The following SLC23A2 variants were observed in gnomAD, a reference collection of about 807,000 sequenced individuals.
SLC23A2 encodes the protein solute carrier family 23 member 2.
Under a neutral mutation model 73.3 loss-of-function variants are expected in SLC23A2, and 36 were observed. The observed-to-expected ratio is 0.49, with a 90% CI of 0.38 to 0.65. The LOEUF is 0.65. Ranked by LOEUF, SLC23A2 falls within the 30% of genes least tolerant of loss-of-function variation. The pLI is 0.00. For missense variants in SLC23A2, 507 were observed against 841.6 expected, an observed-to-expected ratio of 0.60 and a Z score of 4.92; for synonymous variants, 343 against 327.3, an observed-to-expected ratio of 1.05 and a Z score of -0.52.
chr20:4,984,351 G>A (rs1282051321), intron 1 of SLC23A2, among the ~76,000 whole-genome samples: 1 of 151,970 alleles, frequency 6.6e-6, no homozygotes, highest in Non-Finnish European at 1.5e-5. Context: ...TCAGGAGATC[G>A]AGACCATCCT....
chr20:4,992,455 A>G (rs2087940824), intron 1 of SLC23A2, among the ~76,000 whole-genome samples: 1 of 151,818 alleles, frequency 6.6e-6, no homozygotes, highest in African/African-American at 2.4e-5. Flanking sequence ...GTGAATACCT[A>G]TAAAATTTAG....
At chr20:4,950,894 T>C (rs562400022) in intron 2 of SLC23A2, among the ~76,000 whole-genome samples, 29 of 152,308 alleles carry the variant, frequency 1.9e-4, no homozygotes, top group African/African-American at 7.0e-4. Context: ...ACAGAAACTT[T>C]GAGGAGCTCA....
chr20:4,919,964 A>G (rs980090490), intron 3 of SLC23A2, among the ~76,000 whole-genome samples: 5 of 152,334 alleles, frequency 3.3e-5, no homozygotes, highest in Admixed American at 1.3e-4. Flanking sequence ...GATATACATT[A>G]AAACTATGAT....
chr20:4,870,370 A>G (rs1031628454), intron 11 of SLC23A2, among the ~76,000 whole-genome samples: 1 of 152,170 alleles, frequency 6.6e-6, no homozygotes, highest in Non-Finnish European at 1.5e-5. Context: ...CGAGGTCAGG[A>G]GTTCGAGACC....
chr20:4,895,011 C>T (rs1214097188), intron 6 of SLC23A2, among the ~76,000 whole-genome samples: 3 of 152,230 alleles, frequency 2.0e-5, no homozygotes, highest in South Asian at 4.1e-4. Context: ...TGTCCTCAGG[C>T]TCCCTTCACC....
chr20:4,976,901 G>C (rs897955019), intron 1 of SLC23A2, among the ~76,000 whole-genome samples: 3 of 152,036 alleles, frequency 2.0e-5, no homozygotes, highest in Admixed American at 1.3e-4. Flanking sequence ...ACTTGAATCA[G>C]GGGGGCGGAG....
At chr20:4,999,161 G>C (rs992910336) in intron 1 of SLC23A2, among the ~76,000 whole-genome samples, 1 of 152,140 alleles carries the variant, frequency 6.6e-6, no homozygotes, top group Non-Finnish European at 1.5e-5. Context: ...CAAGCTACCA[G>C]TGGTACCAGA....
Position 4,863,019 on chromosome 20 carries a change from C to T in SLC23A2, c.1357-112G>A. On this transcript the variant is annotated intron_variant, in intron 13 of 16. Coordinates refer to ENST00000338244, the MANE Select transcript of SLC23A2 (RefSeq NM_005116.6). This position sits in a 1 kb window ranked among gnomAD's most constrained non-coding sequence, Gnocchi z 4.8. ...CCCATGGCCTGGCTCGCTACCTTCA[C>T]CTCCTCCTCAGCCCACTCTTCTCAC... The T allele has an allele frequency of 9.6e-7, 1 of 1,041,760 alleles. No individual in the cohort carries two copies. The highest frequency in any genetic ancestry group is 3.1e-4 in the Middle Eastern group (1 of 3,200). The allele number at this position is 1,041,760 out of a possible 1,614,324, so 64.5% of individuals were successfully genotyped here.
intron 6 of SLC23A2, among the ~76,000 whole-genome samples, chr20:4,896,073 C>G (rs1931507688): frequency 6.6e-6 from 1 of 152,096 alleles, no homozygotes; most frequent in Non-Finnish European, 1.5e-5. Context: ...AGTCTGCATC[C>G]CAACAGGAAG....
chr20:4,910,234 T>C (rs1168335758), intron 4 of SLC23A2, among the ~76,000 whole-genome samples: 2 of 151,954 alleles, frequency 1.3e-5, no homozygotes, highest in African/African-American at 4.8e-5. Flanking sequence ...AAAATTAGCC[T>C]GGTATGATGG....
chr20:4,994,060 C>T (rs2087976240), intron 1 of SLC23A2, among the ~76,000 whole-genome samples: 1 of 152,164 alleles, frequency 6.6e-6, no homozygotes, highest in African/African-American at 2.4e-5. Context: ...CACTGCACTC[C>T]AGCCTGGGTG....
chr20:4,979,128 A>G (rs1010315876), intron 1 of SLC23A2, among the ~76,000 whole-genome samples: 1 of 151,982 alleles, frequency 6.6e-6, no homozygotes, highest in Non-Finnish European at 1.5e-5. Context: ...CCCCATCTCT[A>G]CTAAAAATAC....
At chr20:4,985,829 G>C (rs2087816908) in intron 1 of SLC23A2, among the ~76,000 whole-genome samples, 1 of 152,164 alleles carries the variant, frequency 6.6e-6, no homozygotes, top group Non-Finnish European at 1.5e-5. Flanking sequence ...TGTTGCCAGA[G>C]GCTGGGTGAA....
Position 4,895,347 on chromosome 20 carries a change from T to G in SLC23A2, c.482+4208A>C, listed in dbSNP as rs1032793161. On this transcript the variant is annotated intron_variant, in intron 6 of 16. Coordinates refer to ENST00000338244, the MANE Select transcript of SLC23A2 (RefSeq NM_005116.6). ...TGCCTTTCCTCTCCACCTTGCTCCCTGCTCACAGTCTCTCTACCCCAACTG... is the reference window on the plus strand; with the variant it reads ...TGCCTTTCCTCTCCACCTTGCTCCCGGCTCACAGTCTCTCTACCCCAACTG... Among the ~76,000 whole-genome samples, 3 of 152,310 alleles carry G rather than the reference T, an allele frequency of 2.0e-5. No individual in the cohort carries two copies. The East Asian group carries it at 5.8e-4, about 29-fold the overall frequency.
chr20:4,982,073 C>T (rs2087735576), intron 1 of SLC23A2, among the ~76,000 whole-genome samples: 1 of 151,578 alleles, frequency 6.6e-6, no homozygotes, highest in African/African-American at 2.4e-5. Flanking sequence ...TGGCTCAATG[C>T]AACCTCCACC....
intron 4 of SLC23A2, among the ~76,000 whole-genome samples, chr20:4,907,013 G>A (rs1278154154): frequency 6.6e-6 from 1 of 152,154 alleles, no homozygotes; most frequent in Non-Finnish European, 1.5e-5. Context: ...GAGAGGACAG[G>A]TCTTAACTCC....
Position 4,857,283 on chromosome 20 carries a change from TACACACACACACACACACACAC to T in SLC23A2, c.1721-101_1721-80del, listed in dbSNP as rs398035250. The T allele has an allele frequency of 9.0e-4, 378 of 421,006 alleles. No homozygotes were observed. Among genetic ancestry groups the T allele is most frequent in the Middle Eastern group, 2.4e-3 (5 of 2,082 alleles). The allele number at this position is 421,006 out of a possible 1,614,324, so 26.1% of individuals were successfully genotyped here. A position where few individuals can be genotyped will look rare whatever the true frequency, so the allele number is the denominator to read the frequency against. The stretch of plus-strand genomic sequence containing the variant: ...GAAAATGAAACTGTCGTCAAACACA[TACACACACACACACACACACAC>T]ACACACACACACACACACACACACA... On this transcript the variant is annotated intron_variant, in intron 16 of 16. Transcript: ENST00000338244. The surrounding 1 kb of genome is among the most constrained non-coding windows in gnomAD (Gnocchi z 4.0).
At chr20:4,860,144 A>C (rs1929899358) in intron 15 of SLC23A2, among the ~76,000 whole-genome samples, 1 of 152,256 alleles carries the variant, frequency 6.6e-6, no homozygotes, top group South Asian at 2.1e-4. Flanking sequence ...GGAGAAATGA[A>C]AACAAGTACT....
At position 4,869,994 on chromosome 20, in the gene SLC23A2, C is replaced by T. The variant is rs1930376835; in HGVS notation, c.1162G>A (p.Val388Ile). The T allele has an allele frequency of 6.2e-7, 1 of 1,613,774 alleles. No individual in the cohort carries two copies. The highest frequency in any genetic ancestry group is 8.5e-7 in the Non-Finnish European group (1 of 1,179,928). Residue 388 changes from valine to isoleucine, a missense_variant, in exon 12 of 17, where the codon GTC becomes ATC. By Grantham distance (29) the Val-to-Ile change is conservative. Coordinates refer to ENST00000338244, the MANE Select transcript of SLC23A2 (RefSeq NM_005116.6). ...AGVIGMLSAV[V>I]ASIIESIGDY... Reference sequence around the variant, plus strand: ...CCAATAGACTCGATGATGCTGGCGACCACGGCACTGAGCATGCCGATGACA... The same window carrying T: ...CCAATAGACTCGATGATGCTGGCGATCACGGCACTGAGCATGCCGATGACA...
Sources: allele counts gnomAD v4.1 joint callset (sites outside exome capture counted in the v4.1 genomes callset), GRCh38; gene constraint gnomAD v4.1.1; non-coding constraint Gnocchi (gnomAD v3.1); transcripts MANE v1.5; gene names NCBI Gene and HGNC (gene_info 2026-07-23, HGNC 2026-07-21).